The following IFT81 variants were observed in gnomAD, a reference collection of about 807,000 sequenced individuals.
IFT81 encodes intraflagellar transport protein 81 homolog.
In IFT81, 72 loss-of-function variants were observed where a neutral mutation model predicts 102.6. The ratio of observed to expected loss-of-function variants is 0.70; its 90% CI spans 0.58 to 0.85. IFT81 has a LOEUF of 0.85. Among genes scored for constraint, IFT81 ranks in the 40% least tolerant of loss-of-function variants. The probability of loss-of-function intolerance (pLI) is 0.00; values close to 1 mark genes in which losing one functional copy is unlikely to be tolerated. For missense variants in IFT81, 723 were observed against 787.3 expected (o/e 0.92, Z 0.98); for synonymous variants, 237 against 242.7 (o/e 0.98, Z 0.22).
At chr12:110,127,621 C>A in intron 2 of IFT81, 97 bp downstream of exon 2, 2 of 1,083,682 alleles carry the variant, frequency 1.8e-6, no homozygotes, top group South Asian at 2.1e-5. Flanking sequence ...CCTCTCTGAG[C>A]TTTATTTTCC....
In IFT81 at chr12:110,159,628, C is replaced by T. The variant is rs79158186; in HGVS notation, c.1042-3291C>T. On this transcript the variant is annotated intron_variant, in intron 10 of 18. Transcript: ENST00000242591. ...AAGGGACAGAAAAAAGGATCCGGAC[C>T]TATAATTCCTCTAGAAGTCACTTCA... Among the ~76,000 whole-genome samples the T allele has an allele frequency of 6.9e-3, 1,046 of 152,298 alleles. 1 individual carries two copies. The highest frequency in any genetic ancestry group is 9.5e-3 in the Non-Finnish European group (643 of 68,018).
intron 11 of IFT81, among the ~76,000 whole-genome samples, chr12:110,172,326 GCCT>G (rs751092539): frequency 6.6e-6 from 1 of 150,888 alleles, no homozygotes. Flanking sequence ...TGCCTCCTCT[GCCT>G]CCTCTGCCTC....
chr12:110,140,249 G>A (rs143728062), intron 8 of IFT81, among the ~76,000 whole-genome samples: 161 of 152,186 alleles, frequency 1.1e-3, no homozygotes, highest in African/African-American at 3.8e-3. Flanking sequence ...TTAAGTATTT[G>A]TCTGAATGCT....
chr12:110,190,867 G>T, intron 12 of IFT81, 53 bp from the exon 13 acceptor site: 2 of 1,430,736 alleles, frequency 1.4e-6, no homozygotes, highest in Non-Finnish European at 1.8e-6. Flanking sequence ...ATTTCTTATG[G>T]GAGCCAGCAA....
chr12:110,189,021 TAGC>T (rs1897676788), intron 12 of IFT81, among the ~76,000 whole-genome samples: 1 of 152,182 alleles, frequency 6.6e-6, no homozygotes, highest in African/African-American at 2.4e-5. Flanking sequence ...CTTGACCTAG[TAGC>T]AGCATTTAGC....
intron 18 of IFT81, among the ~76,000 whole-genome samples, chr12:110,214,135 A>G (rs748503923): frequency 2.6e-5 from 4 of 152,188 alleles, no homozygotes; most frequent in Non-Finnish European, 5.9e-5. Flanking sequence ...ATGACACACC[A>G]TACTTAAAAG....
intron 11 of IFT81, among the ~76,000 whole-genome samples, chr12:110,167,314 C>G (rs1407099443): frequency 1.3e-5 from 2 of 152,148 alleles, no homozygotes; most frequent in East Asian, 3.8e-4. Context: ...ATGTATTTTT[C>G]TCTTATCTGC....
chr12:110,199,683 A>T (rs1898175129), intron 14 of IFT81, among the ~76,000 whole-genome samples: 1 of 152,202 alleles, frequency 6.6e-6, no homozygotes, highest in African/African-American at 2.4e-5. Context: ...CTGTAAGGTC[A>T]CTTTGATACA....
chr12:110,169,597 CTG>C (rs2137468329), intron 11 of IFT81, among the ~76,000 whole-genome samples: 2 of 152,350 alleles, frequency 1.3e-5, no homozygotes, highest in South Asian at 4.1e-4. Context: ...CAGTCTCACT[CTG>C]TCACTCAGGC....
intron 15 of IFT81, chr12:110,204,396 AC>A (rs1236489884): frequency 6.5e-6 from 1 of 154,660 alleles, no homozygotes; most frequent in African/African-American, 2.4e-5. Context: ...AGCCTAAGAA[AC>A]CTGTTTAAAA....
Position 110,188,186 on chromosome 12 carries a change from G to A in IFT81, c.1339-2734G>A, listed in dbSNP as rs188859250. Among the ~76,000 whole-genome samples the A allele has an allele frequency of 1.4e-3, 211 of 151,896 alleles. 5 individuals are homozygous for A. Among genetic ancestry groups the A allele is most frequent in the Admixed American group, 0.011 (162 of 15,250 alleles). On this transcript the variant is annotated intron_variant, in intron 12 of 18. Transcript: ENST00000242591. ...TCTCTACTAAAAATACAAAAAAGTCGCTGGGCATGGTGGTGGGTGCCGGGA... is the reference window on the plus strand; with the variant it reads ...TCTCTACTAAAAATACAAAAAAGTCACTGGGCATGGTGGTGGGTGCCGGGA...
At chr12:110,200,742 G>A (rs1183754409) in intron 14 of IFT81, among the ~76,000 whole-genome samples, 1 of 152,178 alleles carries the variant, frequency 6.6e-6, no homozygotes, top group East Asian at 1.9e-4. Context: ...GAGGTCAGGA[G>A]TTCCAGACCA....
intron 11 of IFT81, among the ~76,000 whole-genome samples, chr12:110,175,030 A>T (rs1031592847): frequency 3.3e-5 from 5 of 152,246 alleles, no homozygotes; most frequent in Non-Finnish European, 7.3e-5. Context: ...CTGCTCTTTC[A>T]TAGAAGACTA....
rs1194530036 is a variant in IFT81 at position 110,136,836 on chromosome 12, G to A, written c.757G>A (p.Ala253Thr). 8 of 1,611,638 alleles carry A rather than the reference G, an allele frequency of 5.0e-6. No individual in the cohort carries two copies. In the Admixed American group the frequency reaches 5.0e-5, roughly 10 times the overall value. ...VQNQLKSMRQ[A>T]AADAKPESLM... ...AAACCAGCTGAAAAGCATGCGCCAA[G>A]CTGCAGCAGATGCAAAGCCTGAAAG... The change falls in exon 8 of 19, where the codon GCT (alanine) becomes ACT (threonine). Residue 253 changes from alanine to threonine, a missense_variant. Physicochemically the swap from Ala to Thr is moderately conservative, Grantham distance 58. Transcript: ENST00000242591.
chr12:110,135,327 G>T lies in IFT81; in HGVS notation c.586G>T (p.Val196Phe). 6.2e-7 allele frequency: 1 copy of T among 1,600,748 alleles called. No individual in the cohort carries two copies. Among genetic ancestry groups the T allele is most frequent in the Non-Finnish European group, 8.5e-7 (1 of 1,171,918 alleles). ...IKRVEHLKKR[V>F]ETAQNHQWML... ...TGTACTACTTATTCCCTTACTGTAG[G>T]TTGAGACAGCTCAGAATCATCAATG... Residue 196 changes from valine (V) to phenylalanine (F), a missense_variant and splice_region_variant, in exon 7 of 19, where the codon GTT (valine) becomes TTT (phenylalanine). Physicochemically the swap from Val to Phe is conservative, Grantham distance 50. Transcript: ENST00000242591.
At chr12:110,131,342 A>G (rs1375467366) in intron 4 of IFT81, among the ~76,000 whole-genome samples, 1 of 151,668 alleles carries the variant, frequency 6.6e-6, no homozygotes, top group African/African-American at 2.4e-5. Flanking sequence ...TTTTTCATTC[A>G]TTCAATTACT....
intron 11 of IFT81, among the ~76,000 whole-genome samples, chr12:110,172,986 G>A (rs1244201932): frequency 2.0e-5 from 3 of 148,626 alleles, no homozygotes; most frequent in African/African-American, 7.4e-5. Flanking sequence ...CCAGGAGGGA[G>A]GTGGGGGGGT....
chr12:110,165,572 C>T (rs1379379147), intron 11 of IFT81, among the ~76,000 whole-genome samples: 1 of 152,198 alleles, frequency 6.6e-6, no homozygotes, highest in Non-Finnish European at 1.5e-5. Context: ...GGGGGACTCA[C>T]ATTTATTGAG....
chr12:110,202,702 C>G (rs988086758), intron 14 of IFT81, among the ~76,000 whole-genome samples: 2 of 78 alleles, frequency 0.026, no homozygotes, highest in African/African-American at 0.14. Context: ...ATCCGCCCAC[C>G]TGGCCTCCCA....
Sources: gnomAD v4.1 joint callset for allele counts (sites outside exome capture counted in the v4.1 genomes callset) on GRCh38, gnomAD v4.1.1 for gene constraint, MANE v1.5 for transcripts, NCBI Gene and HGNC (gene_info 2026-07-23, HGNC 2026-07-21) for gene names.